The following FAM153A variants were observed in gnomAD, a reference collection of about 807,000 sequenced individuals.
FAM153A encodes the protein protein FAM153A.
Under a neutral mutation model 48.1 loss-of-function variants are expected in FAM153A, and 12 were observed. That is an observed-to-expected ratio of 0.25 (90% CI 0.16 to 0.40). The LOEUF (loss-of-function observed/expected upper bound fraction) is 0.40, where lower values mean the gene tolerates loss of function less well. Ranked by LOEUF, FAM153A falls within the 10% of genes least tolerant of loss-of-function variation. The pLI, the probability that FAM153A is intolerant of heterozygous loss-of-function variation, is 1.00. For missense variants in FAM153A, 111 were observed against 345.8 expected (o/e 0.32, Z 5.38); for synonymous variants, 36 against 118.2 (o/e 0.30, Z 4.51).
chr5:177,763,814 T>C (rs1176057057), intron 1 of FAM153A, among the ~76,000 whole-genome samples: 10 of 147,574 alleles, frequency 6.8e-5, no homozygotes, highest in Non-Finnish European at 1.3e-4. Flanking sequence ...CCAATAAGGA[T>C]GTCTGTGAAC....
intron 14 of FAM153A, among the ~76,000 whole-genome samples, chr5:177,732,653 GGCATGCATCTCC>G (rs1476996437): frequency 1.1e-5 from 1 of 94,652 alleles, no homozygotes; most frequent in Non-Finnish European, 2.2e-5. Flanking sequence ...TAGGATTACA[GGCATGCATCTCC>G]ATGCTTGGCT....
Position 177,734,807 on chromosome 5 carries a change from T to A in FAM153A, c.735+56A>T, listed in dbSNP as rs572151895. 1.9e-5 allele frequency: 31 copies of A among 1,607,688 alleles called. No homozygotes were observed. The South Asian group carries it at 3.4e-4, about 18-fold the overall frequency. On this transcript the variant is annotated intron_variant, in intron 13 of 20. Coordinates refer to ENST00000614127, the Ensembl canonical transcript of FAM153A. Reference sequence around the variant, plus strand: ...TTCTCATATCTTAATTTAATCCAAATAAGATAAAGCTAAGAAAGCAACAGT... The same window carrying A: ...TTCTCATATCTTAATTTAATCCAAAAAAGATAAAGCTAAGAAAGCAACAGT...
rs1432452280 is a variant in FAM153A, at chr5:177,764,813, T to C, written c.-57+15636A>G. The stretch of plus-strand genomic sequence containing the variant: ...CTGGGAACACCTCAGCTGGCCCCAG[T>C]GAGGATGGCTATGGATACCTGAGCT... On this transcript the variant is annotated intron_variant, in intron 1 of 8. Coordinates refer to the FAM153A transcript ENST00000393518. Among the ~76,000 whole-genome samples the C allele has an allele frequency of 3.5e-3, 487 of 138,750 alleles. 2 individuals are homozygous for C. The highest frequency in any genetic ancestry group is 8.9e-3 in the African/African-American group (295 of 32,966). The allele number at this position is 138,750 out of a possible 152,430, so 91.0% of individuals were successfully genotyped here. A position where few individuals can be genotyped will look rare whatever the true frequency, so the allele number is the denominator to read the frequency against.
the FAM153A span, among the ~76,000 whole-genome samples, chr5:177,697,950 CTCT>C: frequency 0.076 from 6,565 of 86,688 alleles, 482 homozygotes; most frequent in African/African-American, 0.16. Flanking sequence ...GTTGTTGCTC[CTCT>C]TCTTTTCTGG....
chr5:177,696,957 T>C, the FAM153A span, among the ~76,000 whole-genome samples: 4 of 152,064 alleles, frequency 2.6e-5, no homozygotes, highest in East Asian at 7.7e-4. Context: ...AATTTTAGGA[T>C]CAGCTTGTTA....
intron 18 of FAM153A, among the ~76,000 whole-genome samples, chr5:177,726,716 CAG>C (rs1257721672): frequency 2.6e-5 from 3 of 115,174 alleles, no homozygotes; most frequent in Non-Finnish European, 3.5e-5. Context: ...TCTGTGAACT[CAG>C]GGGCCTTTAT....
chr5:177,753,298 A>G, upstream of FAM153A: 3 of 1,122,850 alleles, frequency 2.7e-6, no homozygotes, highest in South Asian at 2.7e-5. Context: ...CTATATCATC[A>G]GATCACCTCA....
chr5:177,710,177 A>G (rs1303176627), downstream of FAM153A, among the ~76,000 whole-genome samples: 2 of 149,912 alleles, frequency 1.3e-5, no homozygotes, highest in Non-Finnish European at 2.9e-5. Flanking sequence ...CAATAGCATG[A>G]TCTCGGCTCA....
chr5:177,759,815 G>A, intron 1 of FAM153A, among the ~76,000 whole-genome samples: 1 of 150,152 alleles, frequency 6.7e-6, no homozygotes, highest in South Asian at 2.1e-4. Flanking sequence ...GGCCTGTTGT[G>A]GGGGGGAGGG....
In FAM153A at chr5:177,778,523, T is replaced by C; in HGVS notation, c.-57+1926A>G. On this transcript the variant is annotated intron_variant, in intron 1 of 8. Transcript: ENST00000393518. ...CTCACATCCATAAAATCCTAGCATT[T>C]TGGGAGGCCAAAGCAGGAGGATCAC... 2.1e-5 allele frequency among the ~76,000 whole-genome samples: 2 copies of C among 94,794 alleles called. 1 individual carries two copies. Among genetic ancestry groups the C allele is most frequent in the Non-Finnish European group, 4.3e-5 (2 of 46,422 alleles). 62.2% of individuals were successfully genotyped at this position (94,794 alleles called of 152,430 possible). A position where few individuals can be genotyped will look rare whatever the true frequency, so the allele number is the denominator to read the frequency against.
chr5:177,729,576 A>T (rs778207921), intron 16 of FAM153A, 21 bp from the exon 19 acceptor site: 3 of 1,608,684 alleles, frequency 1.9e-6, no homozygotes, highest in African/African-American at 1.4e-5. Flanking sequence ...GAGTCGCTAT[A>T]AGCACATGAG....
intron 1 of FAM153A, among the ~76,000 whole-genome samples, chr5:177,776,749 G>A (rs1330127164): frequency 2.0e-4 from 1 of 4,920 alleles, no homozygotes; most frequent in Non-Finnish European, 3.4e-4. Flanking sequence ...CACAGAATTG[G>A]AAAAAACTAC....
chr5:177,755,313 C>A (rs181234969), upstream of FAM153A, among the ~76,000 whole-genome samples: 73 of 151,798 alleles, frequency 4.8e-4, no homozygotes, highest in East Asian at 0.012. Context: ...CAAACAAAGC[C>A]TCCAAGAAAT....
downstream of FAM153A, among the ~76,000 whole-genome samples, chr5:177,705,469 G>A (rs1352280985): frequency 2.0e-5 from 3 of 151,024 alleles, no homozygotes; most frequent in Admixed American, 1.3e-4. Context: ...GCAGAACCAT[G>A]AGCCAATTAA....
At chr5:177,738,979 A>G in intron 10 of FAM153A, 134 bp downstream of exon 12, 1 of 594,030 alleles carries the variant, frequency 1.7e-6, no homozygotes, top group South Asian at 2.1e-5. Context: ...ACTCTTAGAA[A>G]TTTCTTCCCA....
chr5:177,736,961 A>G (rs1471167175), intron 11 of FAM153A, 81 bp downstream of exon 13: 2 of 1,189,038 alleles, frequency 1.7e-6, no homozygotes, highest in Admixed American at 2.9e-5. Context: ...ACATGGTGAG[A>G]TGTATACATC....
chr5:177,737,517 TTTA>T (rs908698160), intron 10 of FAM153A, among the ~76,000 whole-genome samples: 8 of 150,564 alleles, frequency 5.3e-5, no homozygotes, highest in South Asian at 2.1e-4. Context: ...CCCTCCTAGA[TTTA>T]TTATTATTAT....
At chr5:177,758,730 A>G (rs1431483048) in intron 1 of FAM153A, among the ~76,000 whole-genome samples, 2 of 150,762 alleles carry the variant, frequency 1.3e-5, no homozygotes, top group Non-Finnish European at 3.0e-5. Context: ...TGGGGAAAGG[A>G]TTCCCTATAT....
downstream of FAM153A, among the ~76,000 whole-genome samples, chr5:177,706,363 C>CT (rs575859243): frequency 0.02 from 2,976 of 150,416 alleles, 52 homozygotes; most frequent in Non-Finnish European, 0.029. Flanking sequence ...AGCCTGGCTA[C>CT]TTTTTTTTTG....
Sources: allele counts gnomAD v4.1 joint callset (sites outside exome capture counted in the v4.1 genomes callset), GRCh38; gene constraint gnomAD v4.1.1; transcripts MANE v1.5; gene names NCBI Gene and HGNC (gene_info 2026-07-23, HGNC 2026-07-21).